CD47: variants seen among roughly 807,000 people sequenced by gnomAD.
CD47 encodes the protein leukocyte surface antigen CD47.
Under a neutral mutation model 44.6 loss-of-function variants are expected in CD47, and 11 were observed. The observed-to-expected ratio is 0.25, with a 90% CI of 0.16 to 0.41. The LOEUF (loss-of-function observed/expected upper bound fraction) is 0.41. Ranked by LOEUF, CD47 falls within the 10% of genes least tolerant of loss-of-function variation. The probability of loss-of-function intolerance (pLI) is 1.00; values close to 1 mark genes in which losing one functional copy is unlikely to be tolerated. For synonymous variants in CD47, 140 were observed against 136.3 expected (o/e 1.03, Z -0.19); for missense variants, 306 against 386.7 (o/e 0.79, Z 1.75).
chr3:108,058,115 T>C (rs1019793573), intron 6 of CD47, among the ~76,000 whole-genome samples: 3 of 152,134 alleles, frequency 2.0e-5, no homozygotes, highest in African/African-American at 7.2e-5. Flanking sequence ...AGTCCCGTAA[T>C]TGCACTCCTT....
chr3:108,050,547 G>A, intron 9 of CD47, 31 bp downstream of exon 9: 1 of 1,104,788 alleles, frequency 9.1e-7, no homozygotes, highest in Non-Finnish European at 1.3e-6. Flanking sequence ...TTATGATCTG[G>A]TAAAGGATTA....
intron 9 of CD47, 61 bp downstream of exon 9, chr3:108,050,517 G>T: frequency 1.3e-6 from 1 of 779,038 alleles, no homozygotes; most frequent in Non-Finnish European, 2.2e-6. Context: ...CATTCTAACT[G>T]TTTTGCGGGC....
At chr3:108,060,568 G>C (rs1029466095) in intron 4 of CD47, among the ~76,000 whole-genome samples, 177 bp downstream of exon 4, 2 of 152,150 alleles carry the variant, frequency 1.3e-5, no homozygotes, top group African/African-American at 4.8e-5. Context: ...GTGTGGCCCT[G>C]ATGACGTCCT....
chr3:108,067,776 T>G (rs2079129475), intron 3 of CD47, among the ~76,000 whole-genome samples: 1 of 152,192 alleles, frequency 6.6e-6, no homozygotes, highest in African/African-American at 2.4e-5. Context: ...TGAAACGTGG[T>G]CCAGGGCTCA....
At chr3:108,076,659 C>T (rs985233161) in intron 2 of CD47, among the ~76,000 whole-genome samples, 3 of 152,104 alleles carry the variant, frequency 2.0e-5, no homozygotes, top group African/African-American at 4.8e-5. Context: ...TAACAGGACA[C>T]GACTTACATA....
chr3:108,055,670 T>A (rs1213440146), intron 7 of CD47: 2 of 553,428 alleles, frequency 3.6e-6, no homozygotes, highest in Non-Finnish European at 6.3e-6. Flanking sequence ...ATAGCATAAA[T>A]TTTAGCATAT....
chr3:108,076,674 A>G (rs2079317188), intron 2 of CD47, among the ~76,000 whole-genome samples: 1 of 152,340 alleles, frequency 6.6e-6, no homozygotes, highest in Admixed American at 6.5e-5. Context: ...TACATAAAGT[A>G]TGTGGCACAT....
At chr3:108,075,536 C>T (rs918203397) in intron 2 of CD47, among the ~76,000 whole-genome samples, 51 of 152,120 alleles carry the variant, frequency 3.4e-4, no homozygotes, top group African/African-American at 1.2e-3. Context: ...ATTGTGATGG[C>T]TTTTCTGATG....
intron 7 of CD47, among the ~76,000 whole-genome samples, chr3:108,057,071 T>TGGAA (rs1413952386): frequency 6.6e-6 from 1 of 152,160 alleles, no homozygotes; most frequent in African/African-American, 2.4e-5. Context: ...GCAGGACAGC[T>TGGAA]CTATCACAGA....
At chr3:108,087,192 A>G (rs1336878855) in intron 1 of CD47, among the ~76,000 whole-genome samples, 1 of 152,140 alleles carries the variant, frequency 6.6e-6, no homozygotes, top group Admixed American at 6.5e-5. Flanking sequence ...CCTTAGAACT[A>G]GTGTCTGGCT....
chr3:108,048,389 T>G (rs1232664026), intron 10 of CD47, among the ~76,000 whole-genome samples: 3 of 141,574 alleles, frequency 2.1e-5, no homozygotes, highest in Non-Finnish European at 3.1e-5. Flanking sequence ...TTTTTTTTTT[T>G]TTTTTTTTTT....
At chr3:108,072,103 A>G (rs2079214603) in intron 2 of CD47, among the ~76,000 whole-genome samples, 2 of 152,362 alleles carry the variant, frequency 1.3e-5, no homozygotes, top group African/African-American at 4.8e-5. Context: ...GTTTAATTGC[A>G]TCTTATAAAC....
In CD47 at chr3:108,043,885, C is replaced by T. The variant is rs2078671347; in HGVS notation, c.*3403G>A. 6.6e-6 allele frequency: 1 copy of T among 152,578 alleles called. No homozygotes were observed. Among genetic ancestry groups the T allele is most frequent in the Admixed American group, 6.5e-5 (1 of 15,282 alleles). The allele number at this position is 152,578 out of a possible 1,614,324, so 9.5% of individuals were successfully genotyped here. A position where few individuals can be genotyped will look rare whatever the true frequency, so the allele number is the denominator to read the frequency against. ...CCTGGTCACTCACTGCTCATCTCTT[C>T]AAAGTTACCTGGATTATCCCTATTA... On this transcript the variant is annotated 3_prime_UTR_variant, in exon 11 of 11. Coordinates refer to ENST00000361309, the MANE Select transcript of CD47 (RefSeq NM_001777.4).
At chr3:108,047,365 A>T in intron 10 of CD47, 73 bp from the exon 11 acceptor site, 1 of 1,248,742 alleles carries the variant, frequency 8.0e-7, no homozygotes, top group Non-Finnish European at 1.2e-6. Context: ...TTGACACATT[A>T]AAAAAAGTTT....
intron 3 of CD47, among the ~76,000 whole-genome samples, chr3:108,064,808 G>A (rs1023379549): frequency 1.3e-5 from 2 of 152,148 alleles, no homozygotes; most frequent in Non-Finnish European, 2.9e-5. Flanking sequence ...TTACAGTGCT[G>A]TTTTCTGATA....
chr3:108,083,327 A>C (rs1357128519), intron 1 of CD47, among the ~76,000 whole-genome samples: 1 of 152,092 alleles, frequency 6.6e-6, no homozygotes, highest in Non-Finnish European at 1.5e-5. Context: ...CTCATATCAT[A>C]GTCTAGAAAA....
In CD47 at chr3:108,058,399, A is replaced by G; in HGVS notation, c.722T>C (p.Ile241Thr). The change falls in exon 6 of 11, where the codon ATA (isoleucine) becomes ACA (threonine). Residue 241 changes from isoleucine (I) to threonine (T), a missense_variant. By Grantham distance (89) the Ile-to-Thr change is moderately conservative. This residue lies in a region of CD47 where 131 missense variants were observed against 135.3 expected (regional missense o/e 0.97). Transcript: ENST00000361309. ...ATAGGCTATCACCTGAATAACCAAT[A>G]TGGCAATGACGAAGGAGGTTAATCC... ...AIGLTSFVIA[I>T]LVIQVIAYIL... 1 of 1,567,766 alleles carries G rather than the reference A, an allele frequency of 6.4e-7. No homozygotes were observed. The highest frequency in any genetic ancestry group is 2.3e-5 in the East Asian group (1 of 43,576).
chr3:108,082,744 A>T (rs2079442911), intron 1 of CD47, among the ~76,000 whole-genome samples: 1 of 152,034 alleles, frequency 6.6e-6, no homozygotes, highest in South Asian at 2.1e-4. Flanking sequence ...TGAATTTTCA[A>T]AGGAATACAG....
chr3:108,048,445 C>T (rs529491377), intron 10 of CD47, among the ~76,000 whole-genome samples: 2 of 130,900 alleles, frequency 1.5e-5, no homozygotes, highest in Admixed American at 1.8e-4. Context: ...AGTGTAGTGG[C>T]ACGATCTTGG....
Sources: allele counts gnomAD v4.1 joint callset (sites outside exome capture counted in the v4.1 genomes callset), GRCh38; gene constraint gnomAD v4.1.1; regional missense constraint gnomAD v4.1.1; transcripts MANE v1.5; gene names NCBI Gene and HGNC (gene_info 2026-07-23, HGNC 2026-07-21).